Variants in HSPB7 observed in about 807,000 individuals in gnomAD.
The protein encoded by HSPB7 is heat shock protein family B (small) member 7, also known as heat shock protein beta-7.
Under a neutral mutation model 11.0 loss-of-function variants are expected in HSPB7, and 9 were observed. The ratio of observed to expected loss-of-function variants is 0.82; its 90% CI spans 0.49 to 1.43. The LOEUF (loss-of-function observed/expected upper bound fraction) is 1.43, where lower values mean the gene tolerates loss of function less well. Among genes scored for constraint, HSPB7 ranks in the 40% most tolerant of loss-of-function variants. The pLI, the probability that HSPB7 is intolerant of heterozygous loss-of-function variation, is 0.00. For missense variants in HSPB7, 246 were observed against 243.9 expected (o/e 1.01, Z -0.06); for synonymous variants, 102 against 101.6 (o/e 1.00, Z -0.02).
rs1397747260 is a variant in HSPB7, at chr1:16,017,943, G to A, written c.21C>T (p.Ser7=). The part of the protein sequence containing the change: MSHRTS[S]TFRAERSFHS... ...GGAAACTTCTCTCCGCTCGGAAGGTGGAAGAGGTTCTGTGGCTCATCCACG... is the reference window on the plus strand; with the variant it reads ...GGAAACTTCTCTCCGCTCGGAAGGTAGAAGAGGTTCTGTGGCTCATCCACG... The change falls in exon 1 of 3, where the codon TCC becomes TCT. Residue 7 remains serine, a synonymous_variant. Transcript: ENST00000311890. 1.2e-6 allele frequency: 2 copies of A among 1,613,516 alleles called. No individual in the cohort carries two copies. The highest frequency in any genetic ancestry group is 1.1e-5 in the South Asian group (1 of 91,088).
At position 16,017,070 on chromosome 1, in the gene HSPB7, TCACCTTCTCAGCCC is replaced by T; in HGVS notation, c.323_333+3del. The T allele has an allele frequency of 6.2e-7, 1 of 1,603,580 alleles. No homozygotes were observed. Among genetic ancestry groups the T allele is most frequent in the Non-Finnish European group, 8.5e-7 (1 of 1,171,640 alleles). ...ATGCGGTGAGTAGGGGGTGGGGGGC[TCACCTTCTCAGCCC>T]GCACCTCGATGTGGTTGTTGGAGGT... On this transcript the variant is annotated splice_donor_variant and splice_donor_region_variant and coding_sequence_variant and intron_variant, in exon 2 of 3. Coordinates refer to ENST00000311890, the MANE Select transcript of HSPB7 (RefSeq NM_014424.5). LOFTEE classifies it high-confidence loss of function.
In HSPB7 at chr1:16,015,727, G is replaced by A. The variant is rs755945385; in HGVS notation, c.366C>T (p.Phe122=). ...LAADGTVMNT[F]AHKCQLPEDV... ...CCTCCGGCAGCTGGCACTTGTGAGC[G>A]AAGGTGTTCATGACAGTGCCGTCAG... The change falls in exon 3 of 3, where the codon TTC becomes TTT. Residue 122 remains phenylalanine (F), a synonymous_variant. Coordinates refer to ENST00000311890, the MANE Select transcript of HSPB7 (RefSeq NM_014424.5). The surrounding 1 kb of genome is among the most constrained non-coding windows in gnomAD (Gnocchi z 4.9). The A allele has an allele frequency of 1.7e-5, 28 of 1,608,198 alleles. No homozygotes were observed. Among genetic ancestry groups the A allele is most frequent in the Non-Finnish European group, 2.0e-5 (24 of 1,176,904 alleles).
chr1:16,017,564 A>C lies in HSPB7; in HGVS notation c.199+201T>G, dbSNP rs2021841530. 3 of 600,460 alleles carry C rather than the reference A, an allele frequency of 5.0e-6. No individual in the cohort carries two copies. The East Asian group carries it at 8.5e-5, about 17-fold the overall frequency. 37.2% of individuals were successfully genotyped at this position (600,460 alleles called of 1,614,324 possible). A position where few individuals can be genotyped will look rare whatever the true frequency, so the allele number is the denominator to read the frequency against. On this transcript the variant is annotated intron_variant, in intron 1 of 2. Coordinates refer to ENST00000311890, the MANE Select transcript of HSPB7 (RefSeq NM_014424.5). The stretch of plus-strand genomic sequence containing the variant: ...GGAACCATGTCCAACCCCCAGGGCC[A>C]CAACTGTTCCTTAGAGGCCCACCTG...
In HSPB7 at chr1:16,015,390, GGC is replaced by G. The variant is rs1162295790; in HGVS notation, c.*188_*189del. On this transcript the variant is annotated 3_prime_UTR_variant, in exon 3 of 3. Transcript: ENST00000311890. The surrounding 1 kb of genome is among the most constrained non-coding windows in gnomAD (Gnocchi z 4.9). ...TCTGAAATCTGGGCATCATGTGTCAGGCCAGGGAGTCCCTGGCCTGCCCTGGA... is the reference window on the plus strand; with the variant it reads ...TCTGAAATCTGGGCATCATGTGTCAGCAGGGAGTCCCTGGCCTGCCCTGGA... The G allele has an allele frequency of 1.7e-6, 1 of 582,158 alleles. No individual in the cohort carries two copies. The highest frequency in any genetic ancestry group is 3.2e-5 in the Admixed American group (1 of 31,236). 36.1% of individuals were successfully genotyped at this position (582,158 alleles called of 1,614,324 possible).
At chr1:16,018,613 A>T (rs868326334), upstream of HSPB7, 15 of 1,040,860 alleles carry the variant, frequency 1.4e-5, no homozygotes, top group Non-Finnish European at 1.7e-5. Context: ...GGGGACCTGG[A>T]TTCTGTGCCT....
chr1:16,019,386 G>C (rs1233116366), upstream of HSPB7: 12 of 1,494,422 alleles, frequency 8.0e-6, no homozygotes, highest in South Asian at 1.1e-4. Flanking sequence ...TAGTCTTCCT[G>C]TGTGCTGTGA....
At chr1:16,018,235 T>C (rs945418), upstream of HSPB7, 994,781 of 1,460,898 alleles carry the variant, frequency 0.68, 341,070 homozygotes, top group East Asian at 0.98. Flanking sequence ...CATTCCAGGC[T>C]GATCACAGCA....
upstream of HSPB7, chr1:16,018,932 C>G (rs555709433): frequency 8.8e-7 from 1 of 1,139,182 alleles, no homozygotes; most frequent in Admixed American, 3.0e-5. Context: ...ATGTTACGGA[C>G]GGGGAAGCGA....
Position 16,014,920 on chromosome 1 carries a change from G to C in HSPB7, c.*660C>G, listed in dbSNP as rs1275878001. On this transcript the variant is annotated 3_prime_UTR_variant, in exon 3 of 3. Transcript: ENST00000311890. Reference sequence around the variant, plus strand: ...GCAGGAGTTTCATGCAGTTTATCACGAACCAGCTGTATTGGAAAAACCCCA... The same window carrying C: ...GCAGGAGTTTCATGCAGTTTATCACCAACCAGCTGTATTGGAAAAACCCCA... The C allele has an allele frequency of 1.3e-5, 2 of 152,456 alleles. No homozygotes were observed. The highest frequency in any genetic ancestry group is 2.9e-5 in the Non-Finnish European group (2 of 68,234). The allele number at this position is 152,456 out of a possible 1,614,324, so 9.4% of individuals were successfully genotyped here.
Position 16,016,999 on chromosome 1 carries a change from TG to T in HSPB7, c.333+74del, listed in dbSNP as rs2021777423. The T allele has an allele frequency of 3.5e-6, 5 of 1,444,962 alleles. No individual in the cohort carries two copies. The East Asian group carries it at 1.2e-4, about 33-fold the overall frequency. 89.5% of individuals were successfully genotyped at this position (1,444,962 alleles called of 1,614,324 possible). Reference sequence around the variant, plus strand: ...CTGGCCAGGGTCTGGGGTCCCAGGATGGTAAGGGGGAGTAGGAGACATTGGA... The same window carrying T: ...CTGGCCAGGGTCTGGGGTCCCAGGATGTAAGGGGGAGTAGGAGACATTGGA... On this transcript the variant is annotated intron_variant, in intron 2 of 2. Transcript: ENST00000311890.
chr1:16,016,713 C>T (rs1489374885), intron 2 of HSPB7, among the ~76,000 whole-genome samples: 1 of 151,994 alleles, frequency 6.6e-6, no homozygotes, highest in Non-Finnish European at 1.5e-5. Context: ...CCTATAGCTA[C>T]CAGAGGAGCT....
upstream of HSPB7, chr1:16,019,582 T>G (rs2021987053): frequency 8.5e-7 from 1 of 1,176,292 alleles, no homozygotes; most frequent in South Asian, 1.6e-5. Flanking sequence ...GCGGTGCTGG[T>G]GGTATGTGGA....
chr1:16,017,602 C>T, intron 1 of HSPB7, 163 bp downstream of exon 1: 1 of 645,044 alleles, frequency 1.6e-6, no homozygotes, highest in Non-Finnish European at 2.7e-6. Flanking sequence ...TTCATGGCCA[C>T]ATCTGTCCCT....
At chr1:16,017,343 C>T (rs1462598860) in intron 1 of HSPB7, 136 bp from the exon 2 acceptor site, 2 of 1,135,770 alleles carry the variant, frequency 1.8e-6, no homozygotes, top group African/African-American at 3.1e-5. Context: ...CCCTAAGCTC[C>T]TCCTCATTCC....
upstream of HSPB7, chr1:16,018,820 T>C (rs2021952758): frequency 8.2e-7 from 1 of 1,222,236 alleles, no homozygotes. Flanking sequence ...ATTCTAGCCC[T>C]GAGTTCTAGA....
At position 16,017,165 on chromosome 1, in the gene HSPB7, G is replaced by A; in HGVS notation, c.242C>T (p.Ala81Val). 2 of 1,613,894 alleles carry A rather than the reference G, an allele frequency of 1.2e-6. No individual in the cohort carries two copies. Among genetic ancestry groups the A allele is most frequent in the South Asian group, 2.2e-5 (2 of 91,072 alleles). Residue 81 changes from alanine (A) to valine (V), a missense_variant, in exon 2 of 3, where the codon GCC becomes GTC. By Grantham distance (64) the Ala-to-Val change is moderately conservative. Coordinates refer to ENST00000311890, the MANE Select transcript of HSPB7 (RefSeq NM_014424.5). ...TCTCACGTCCACCGCAAACTCATAG[G>A]CGTCTCCTAGGGTCTTGATGTTGCC... ...GAGNIKTLGD[A>V]YEFAVDVRDF...
At chr1:16,018,766 G>A (rs1323187578), upstream of HSPB7, 2 of 1,085,812 alleles carry the variant, frequency 1.8e-6, no homozygotes, top group East Asian at 7.1e-5. Context: ...AGCGCCTTAG[G>A]TGGGATTTCA....
upstream of HSPB7, chr1:16,019,386 GTGTGC>G: frequency 6.7e-7 from 1 of 1,494,422 alleles, no homozygotes; most frequent in South Asian, 1.2e-5. Context: ...TAGTCTTCCT[GTGTGC>G]TGTGACTCTC....
At chr1:16,018,682 T>C (rs1214870091), upstream of HSPB7, 20 of 1,027,140 alleles carry the variant, frequency 1.9e-5, no homozygotes, top group Non-Finnish European at 2.3e-5. Flanking sequence ...TTGGCAGCTT[T>C]CTCCTTAAAG....
Sources: allele counts gnomAD v4.1 joint callset (sites outside exome capture counted in the v4.1 genomes callset), GRCh38; gene constraint gnomAD v4.1.1; non-coding constraint Gnocchi (gnomAD v3.1); transcripts MANE v1.5; gene names NCBI Gene and HGNC (gene_info 2026-07-23, HGNC 2026-07-21).